Variants in LHX4 observed in about 807,000 individuals in gnomAD.
The protein encoded by LHX4 is LIM/homeobox protein Lhx4.
In LHX4, 16 loss-of-function variants were observed where a neutral mutation model predicts 39.2. The observed-to-expected ratio is 0.41, with a 90% CI of 0.28 to 0.62. The LOEUF is 0.62. Among genes scored for constraint, LHX4 ranks in the 20% least tolerant of loss-of-function variants. The pLI is 0.33. For synonymous variants in LHX4, 206 were observed against 198.1 expected, an observed-to-expected ratio of 1.04 and a Z score of -0.33; for missense variants, 439 against 511.9, an observed-to-expected ratio of 0.86 and a Z score of 1.37.
At chr1:180,258,007 A>G (rs988888642) in intron 2 of LHX4, among the ~76,000 whole-genome samples, 1 of 152,224 alleles carries the variant, frequency 6.6e-6, no homozygotes, top group Non-Finnish European at 1.5e-5. Context: ...GGACTGGGTC[A>G]CTCACTGATT....
chr1:180,261,304 G>T (rs1648105449), intron 2 of LHX4, among the ~76,000 whole-genome samples: 3 of 151,718 alleles, frequency 2.0e-5, no homozygotes, highest in African/African-American at 7.3e-5. Context: ...AGGGAGGCAG[G>T]CAGGGATCAT....
At chr1:180,262,108 G>A (rs1287438439) in intron 2 of LHX4, among the ~76,000 whole-genome samples, 1 of 152,080 alleles carries the variant, frequency 6.6e-6, no homozygotes, top group Non-Finnish European at 1.5e-5. Flanking sequence ...TTTCCTATAA[G>A]CATTCCTTTT....
intron 2 of LHX4, among the ~76,000 whole-genome samples, chr1:180,263,688 T>C (rs537740095): frequency 3.1e-4 from 47 of 152,254 alleles, no homozygotes; most frequent in Non-Finnish European, 6.6e-4. Context: ...CATGCATGAA[T>C]CACTGTCGGT....
upstream of LHX4, among the ~76,000 whole-genome samples, chr1:180,229,774 C>G (rs576721816): frequency 4.2e-3 from 636 of 151,188 alleles, 1 homozygote; most frequent in Non-Finnish European, 7.0e-3. Flanking sequence ...CGGCTCGGCT[C>G]CGCCCCGCCC....
Position 180,234,220 on chromosome 1 carries a change from T to A in LHX4, c.76+3615T>A, listed in dbSNP as rs3894208. On this transcript the variant is annotated intron_variant, in intron 1 of 5. Transcript: ENST00000263726. This position sits in a 1 kb window ranked among gnomAD's most constrained non-coding sequence, Gnocchi z 4.8. Reference sequence around the variant, plus strand: ...ATATATATATATATATATATATATATAATAGATTGAGATTCTATCATATTC... The same window carrying A: ...ATATATATATATATATATATATATAAAATAGATTGAGATTCTATCATATTC... 0.021 allele frequency among the ~76,000 whole-genome samples: 1,472 copies of A among 69,962 alleles called. 32 individuals carry two copies. The highest frequency in any genetic ancestry group is 0.053 in the African/African-American group (698 of 13,110). The allele number at this position is 69,962 out of a possible 152,430, so 45.9% of individuals were successfully genotyped here.
chr1:180,257,702 A>C (rs1367062498), intron 2 of LHX4, among the ~76,000 whole-genome samples: 1 of 152,264 alleles, frequency 6.6e-6, no homozygotes, highest in African/African-American at 2.4e-5. Context: ...TACGGCCAGC[A>C]GTAAATCACC....
intron 1 of LHX4, among the ~76,000 whole-genome samples, chr1:180,240,021 T>A (rs552835231): frequency 6.6e-6 from 1 of 152,250 alleles, no homozygotes; most frequent in South Asian, 2.1e-4. Flanking sequence ...TCCTGAGCAT[T>A]AGGCTGTCAA....
At position 180,271,072 on chromosome 1, in the gene LHX4, G is replaced by A. The variant is rs551623660; in HGVS notation, c.452-308G>A. On this transcript the variant is annotated intron_variant, in intron 3 of 5. Coordinates refer to ENST00000263726, the MANE Select transcript of LHX4 (RefSeq NM_033343.4). ...GCAGAGTGTTTGTCATGACAGGGAC[G>A]TGTGGAATTGGGTACATTCAATCTG... is the stretch of plus-strand genomic sequence containing the variant. 389 of 441,658 alleles carry A rather than the reference G, an allele frequency of 8.8e-4. 2 individuals are homozygous for A. The highest frequency in any genetic ancestry group is 5.8e-3 in the South Asian group (284 of 48,640). 27.4% of individuals were successfully genotyped at this position (441,658 alleles called of 1,614,324 possible).
At position 180,266,660 on chromosome 1, in the gene LHX4, G is replaced by A; in HGVS notation, c.451+66G>A. 1 of 1,507,676 alleles carries A rather than the reference G, an allele frequency of 6.6e-7. No individual in the cohort carries two copies. Among genetic ancestry groups the A allele is most frequent in the Non-Finnish European group, 9.1e-7 (1 of 1,099,992 alleles). 93.4% of individuals were successfully genotyped at this position (1,507,676 alleles called of 1,614,324 possible). ...TGTTTGGGCCACGCCCTCTGCCTGA[G>A]GTGCCCTTCTCATGGCGTCCCACCT... On this transcript the variant is annotated intron_variant, in intron 3 of 5. Transcript: ENST00000263726. The surrounding 1 kb of genome is among the most constrained non-coding windows in gnomAD (Gnocchi z 5.7).
intron 1 of LHX4, among the ~76,000 whole-genome samples, chr1:180,245,020 T>G (rs1419641515): frequency 6.6e-6 from 1 of 152,210 alleles, no homozygotes; most frequent in Non-Finnish European, 1.5e-5. Flanking sequence ...CAGGCCTTGT[T>G]CACACATTCC....
upstream of LHX4, among the ~76,000 whole-genome samples, chr1:180,229,965 G>GGGC (rs1553278099): frequency 3.4e-3 from 41 of 12,182 alleles, 1 homozygote; most frequent in South Asian, 0.061. Context: ...GAGGCGGGGA[G>GGGC]GGGGGGGGGG....
chr1:180,241,913 G>C (rs1664451504), intron 1 of LHX4, among the ~76,000 whole-genome samples: 1 of 151,918 alleles, frequency 6.6e-6, no homozygotes, highest in Non-Finnish European at 1.5e-5. Context: ...GGACTCCTGG[G>C]CTCAAGCGAT....
At chr1:180,238,600 A>G (rs1406037295) in intron 1 of LHX4, among the ~76,000 whole-genome samples, 3 of 152,092 alleles carry the variant, frequency 2.0e-5, no homozygotes, top group Non-Finnish European at 2.9e-5. Flanking sequence ...TTGATGTTCA[A>G]TGTGCCTTTT....
At chr1:180,255,235 G>A (rs778976517) in intron 2 of LHX4, among the ~76,000 whole-genome samples, 3 of 152,244 alleles carry the variant, frequency 2.0e-5, no homozygotes, top group Middle Eastern at 3.2e-3. Flanking sequence ...GGGGTTGGTC[G>A]TAGAGTCAGT....
At chr1:180,263,399 G>A (rs1358339145) in intron 2 of LHX4, among the ~76,000 whole-genome samples, 1 of 152,160 alleles carries the variant, frequency 6.6e-6, no homozygotes, top group African/African-American at 2.4e-5. Context: ...CCTGTAGGAT[G>A]CCCTGTATTC....
rs1434906935 is a variant in LHX4, at chr1:180,274,461, T to C, written c.1055T>C (p.Leu352Pro). 6.2e-7 allele frequency: 1 copy of C among 1,614,188 alleles called. No individual in the cohort carries two copies. Among genetic ancestry groups the C allele is most frequent in the Non-Finnish European group, 8.5e-7 (1 of 1,180,038 alleles). The change falls in exon 6 of 6, where the codon CTG becomes CCG. Residue 352 changes from leucine to proline, a missense_variant. By Grantham distance (98) the Leu-to-Pro change is moderately conservative (BLOSUM62 -3). Transcript: ENST00000263726. ...AHAGQGVSQT[L>P]RAMAGGPTSD... ...GCAGGGCAGGGAGTAAGCCAGACGC[T>C]GAGAGCCATGGCTGGGGGACCCACC...
At chr1:180,271,151 G>C (rs970964820) in intron 3 of LHX4, 9 of 599,800 alleles carry the variant, frequency 1.5e-5, no homozygotes, top group Non-Finnish European at 2.7e-5. Context: ...AGGGAGCTGA[G>C]CAGAGAAAGG....
chr1:180,243,482 G>A (rs1413081570), intron 1 of LHX4, among the ~76,000 whole-genome samples: 1 of 152,058 alleles, frequency 6.6e-6, no homozygotes, highest in Non-Finnish European at 1.5e-5. Context: ...TTTATTACAG[G>A]TTTAATTAAG....
intron 5 of LHX4, among the ~76,000 whole-genome samples, chr1:180,272,392 T>C (rs1648727737): frequency 6.6e-6 from 1 of 152,154 alleles, no homozygotes; most frequent in African/African-American, 2.4e-5. Context: ...CCTACTCCCA[T>C]AGTCCCCTAG....
Sources: gnomAD v4.1 joint callset for allele counts (sites outside exome capture counted in the v4.1 genomes callset) on GRCh38, gnomAD v4.1.1 for gene constraint, Gnocchi (gnomAD v3.1) non-coding constraint, MANE v1.5 for transcripts, NCBI Gene and HGNC (gene_info 2026-07-23, HGNC 2026-07-21) for gene names.